The following BCAS1 variants were observed in gnomAD, a reference collection of about 807,000 sequenced individuals.
BCAS1 encodes brain enriched myelin associated protein 1.
Under a neutral mutation model 65.4 loss-of-function variants are expected in BCAS1, and 46 were observed. That is an observed-to-expected ratio of 0.70 (90% CI 0.55 to 0.90). The LOEUF is 0.90. Ranked by LOEUF, BCAS1 falls within the 40% of genes least tolerant of loss-of-function variation. The pLI is 0.00. For synonymous variants in BCAS1, 298 were observed against 293.5 expected, an observed-to-expected ratio of 1.02 and a Z score of -0.16; for missense variants, 793 against 771.2, an observed-to-expected ratio of 1.03 and a Z score of -0.33.
Position 53,970,054 on chromosome 20 carries a change from G to C in BCAS1, c.1318-2981C>G. Among the ~76,000 whole-genome samples, 2 of 152,266 alleles carry C rather than the reference G, an allele frequency of 1.3e-5. 1 individual carries two copies. Among genetic ancestry groups the C allele is most frequent in the Middle Eastern group, 6.8e-3 (2 of 294 alleles). On this transcript the variant is annotated intron_variant, in intron 9 of 12. Transcript: ENST00000688948. ...TAAGTAGATAAGGAATAGAGTTTGC[G>C]TTCAGAAGTATTCTGTCTTTGAGGC...
At chr20:54,033,662 C>T (rs1451348074) in intron 3 of BCAS1, among the ~76,000 whole-genome samples, 1 of 151,022 alleles carries the variant, frequency 6.6e-6, no homozygotes, top group Non-Finnish European at 1.5e-5. Context: ...AATACATAGA[C>T]TACCAACCAT....
At chr20:53,949,862 AGT>A (rs1055304207) in intron 12 of BCAS1, among the ~76,000 whole-genome samples, 2 of 152,108 alleles carry the variant, frequency 1.3e-5, no homozygotes, top group Admixed American at 1.3e-4. Flanking sequence ...TCTGTAAAGG[AGT>A]GTGGTCCCAG....
intron 8 of BCAS1, among the ~76,000 whole-genome samples, chr20:53,980,559 C>G (rs2090451101): frequency 6.6e-6 from 1 of 152,196 alleles, no homozygotes; most frequent in African/African-American, 2.4e-5. Flanking sequence ...AGCTAGTATT[C>G]AAATGGAAAC....
chr20:53,963,312 T>A (rs1452466193), intron 10 of BCAS1, among the ~76,000 whole-genome samples: 1 of 151,562 alleles, frequency 6.6e-6, no homozygotes, highest in African/African-American at 2.4e-5. Flanking sequence ...TGAAACCCTG[T>A]CTCTTCTAAA....
Position 53,996,051 on chromosome 20 carries a change from C to T in BCAS1, c.724-1G>A. The T allele has an allele frequency of 1.3e-6, 2 of 1,590,198 alleles. No homozygotes were observed. The highest frequency in any genetic ancestry group is 8.6e-7 in the Non-Finnish European group (1 of 1,168,082). On this transcript the variant is annotated splice_acceptor_variant, in intron 4 of 12. Coordinates refer to ENST00000688948, the MANE Select transcript of BCAS1 (RefSeq NM_001366298.2). LOFTEE classifies it high-confidence loss of function. ...CTTTTTCCTTGCCGTCAACTATGTC[C>T]TAGGGGCAAAACAGTTGTCACAGTT...
rs144015745 is a variant in BCAS1, at chr20:53,986,844, C to T, written c.1063-1345G>A. Among the ~76,000 whole-genome samples, 1,078 of 152,188 alleles carry T rather than the reference C, an allele frequency of 7.1e-3. 10 individuals carry two copies. The highest frequency in any genetic ancestry group is 0.041 in the South Asian group (197 of 4,810). ...CCAGGAGGCTGCAGTGAGCCATGAT[C>T]GTGCCACTGTACTCCAGCCTAGGCA... is the stretch of plus-strand genomic sequence containing the variant. On this transcript the variant is annotated intron_variant, in intron 7 of 12. Coordinates refer to ENST00000688948, the MANE Select transcript of BCAS1 (RefSeq NM_001366298.2).
In BCAS1 at chr20:54,058,300, A is replaced by G. The variant is rs1260167295; in HGVS notation, c.73-146T>C. ...GTTTCTAGAAACTCCCCAGTTTTCTATCATGCCTTGGAGAACCAAAATAAC... is the reference window on the plus strand; with the variant it reads ...GTTTCTAGAAACTCCCCAGTTTTCTGTCATGCCTTGGAGAACCAAAATAAC... On this transcript the variant is annotated intron_variant, in intron 2 of 12. Transcript: ENST00000688948. 8.9e-6 allele frequency: 7 copies of G among 789,742 alleles called. No individual in the cohort carries two copies. The Admixed American group carries it at 1.1e-4, about 13-fold the overall frequency. 48.9% of individuals were successfully genotyped at this position (789,742 alleles called of 1,614,324 possible). A position where few individuals can be genotyped will look rare whatever the true frequency, so the allele number is the denominator to read the frequency against.
intron 3 of BCAS1, among the ~76,000 whole-genome samples, chr20:54,050,071 G>C (rs946472519): frequency 5.9e-5 from 9 of 152,142 alleles, no homozygotes; most frequent in South Asian, 2.1e-4. Context: ...GGTATCCAGA[G>C]GTCACCTACA....
chr20:54,048,306 T>G (rs2092147825), intron 3 of BCAS1, among the ~76,000 whole-genome samples: 1 of 152,186 alleles, frequency 6.6e-6, no homozygotes, highest in African/African-American at 2.4e-5. Context: ...CAGACACTGT[T>G]TGTGGCCTGC....
intron 8 of BCAS1, 24 bp downstream of exon 8, chr20:53,985,263 C>T: frequency 6.2e-7 from 1 of 1,610,508 alleles, no homozygotes; most frequent in Non-Finnish European, 8.5e-7. Flanking sequence ...GGACGACTCT[C>T]TAACGCTTGA....
chr20:54,059,259 T>C (rs1199888470), intron 1 of BCAS1, among the ~76,000 whole-genome samples: 1 of 152,236 alleles, frequency 6.6e-6, no homozygotes, highest in East Asian at 1.9e-4. Flanking sequence ...TTTGGACTCA[T>C]GTATTCAACA....
At chr20:54,060,674 AG>A (rs1051976531) in intron 1 of BCAS1, among the ~76,000 whole-genome samples, 33 of 152,176 alleles carry the variant, frequency 2.2e-4, no homozygotes, top group African/African-American at 7.7e-4. Flanking sequence ...GGGAGATGGC[AG>A]GTTGTGGCAC....
rs779832266 is a variant in BCAS1 at position 54,012,125 on chromosome 20, AG to A, written c.724-16076del. 2.2e-4 allele frequency among the ~76,000 whole-genome samples: 34 copies of A among 152,200 alleles called. 1 individual carries two copies. Among genetic ancestry groups the A allele is most frequent in the Admixed American group, 1.8e-3 (27 of 15,280 alleles). ...ATTAATTTCCAGAGATTTATGCTGA[AG>A]GGGAAAAAAGCCTATGTAAAAAAGG... On this transcript the variant is annotated intron_variant, in intron 4 of 12. Transcript: ENST00000688948.
intron 10 of BCAS1, among the ~76,000 whole-genome samples, chr20:53,966,679 G>A (rs1168062282): frequency 6.6e-6 from 1 of 152,170 alleles, no homozygotes; most frequent in Non-Finnish European, 1.5e-5. Context: ...AAAAGTGTTA[G>A]CAGGCATTAA....
At position 53,992,539 on chromosome 20, in the gene BCAS1, G is replaced by T. The variant is rs190000906; in HGVS notation, c.1035C>A (p.Leu345=). The change falls in exon 7 of 13, where the codon CTC becomes CTA. Residue 345 remains leucine, a synonymous_variant. Coordinates refer to ENST00000688948, the MANE Select transcript of BCAS1 (RefSeq NM_001366298.2). ...TATGCCTAAAGAATTTTCTAAAGGC[G>T]AGTCCTAGCCTGGGGCTATCCAGGT... ...KKHLDSPRLG[L]AFRKFFRHKG... is the part of the protein sequence containing the mutation. 6.6e-6 allele frequency: 9 copies of T among 1,365,290 alleles called. No individual in the cohort carries two copies. Among genetic ancestry groups the T allele is most frequent in the Middle Eastern group, 2.1e-4 (1 of 4,762 alleles). 84.6% of individuals were successfully genotyped at this position (1,365,290 alleles called of 1,614,324 possible).
intron 5 of BCAS1, among the ~76,000 whole-genome samples, chr20:53,995,489 G>GTT (rs11480980): frequency 0.018 from 2,642 of 145,684 alleles, 60 homozygotes; most frequent in East Asian, 0.11. Context: ...ATTCATTCAG[G>GTT]TTTTTTTTTT....
rs543973026 is a variant in BCAS1 at position 54,035,256 on chromosome 20, C to T, written c.143-6284G>A. Among the ~76,000 whole-genome samples the T allele has an allele frequency of 7.3e-5, 11 of 150,244 alleles. 1 individual carries two copies. The South Asian group carries it at 1.1e-3, about 14-fold the overall frequency. ...TCTACTAAAAATACAAAAAATTAGC[C>T]GGGTGTGGTGGCAGGCGCCTGTAGT... On this transcript the variant is annotated intron_variant, in intron 3 of 12. Coordinates refer to ENST00000688948, the MANE Select transcript of BCAS1 (RefSeq NM_001366298.2).
intron 1 of BCAS1, among the ~76,000 whole-genome samples, chr20:54,066,276 G>A (rs148882489): frequency 0.012 from 1,835 of 152,274 alleles, 21 homozygotes; most frequent in Middle Eastern, 0.02. Context: ...GTTTCCCCGT[G>A]TTAGCCAGGA....
chr20:53,973,003 G>A (rs568748297), intron 9 of BCAS1, among the ~76,000 whole-genome samples: 4 of 152,308 alleles, frequency 2.6e-5, no homozygotes, highest in East Asian at 1.9e-4. Flanking sequence ...CAAGGTGGGC[G>A]GATCACTTGA....
Sources: allele counts gnomAD v4.1 joint callset (sites outside exome capture counted in the v4.1 genomes callset), GRCh38; gene constraint gnomAD v4.1.1; transcripts MANE v1.5; gene names NCBI Gene and HGNC (gene_info 2026-07-23, HGNC 2026-07-21).